PPARGC1A: variants seen among roughly 807,000 people sequenced by gnomAD.
PPARGC1A encodes PPARG coactivator 1 alpha, also known as peroxisome proliferator-activated receptor gamma coactivator 1-alpha.
Under a neutral mutation model 88.7 loss-of-function variants are expected in PPARGC1A, and 25 were observed. The observed-to-expected ratio is 0.28, with a 90% CI of 0.21 to 0.39. The LOEUF is 0.39. Among genes scored for constraint, PPARGC1A ranks in the 10% least tolerant of loss-of-function variants. The pLI is 1.00. For synonymous variants in PPARGC1A, 363 were observed against 355.6 expected, an observed-to-expected ratio of 1.02 and a Z score of -0.24; for missense variants, 880 against 968.7, an observed-to-expected ratio of 0.91 and a Z score of 1.22.
chr4:24,429,380 C>A, the PPARGC1A span, among the ~76,000 whole-genome samples: 1 of 152,130 alleles, frequency 6.6e-6, no homozygotes, highest in African/African-American at 2.4e-5. Context: ...TGGTCTCCTG[C>A]GTCACCCCCT....
At chr4:23,960,135 A>C in the PPARGC1A span, among the ~76,000 whole-genome samples, 1 of 152,320 alleles carries the variant, frequency 6.6e-6, no homozygotes, top group South Asian at 2.1e-4. Flanking sequence ...TAAGGTGGCC[A>C]GATAGATTCA....
At chr4:24,145,649 C>A in the PPARGC1A span, among the ~76,000 whole-genome samples, 1 of 152,186 alleles carries the variant, frequency 6.6e-6, no homozygotes, top group Non-Finnish European at 1.5e-5. Context: ...TCACCTCATT[C>A]TTCTAGGTTG....
At chr4:24,215,972 A>G in the PPARGC1A span, among the ~76,000 whole-genome samples, 3 of 152,082 alleles carry the variant, frequency 2.0e-5, no homozygotes, top group African/African-American at 7.2e-5. Flanking sequence ...GGTGGATAGA[A>G]TGACTCATTT....
intron 7 of PPARGC1A, 57 bp from the exon 8 acceptor site, chr4:23,814,662 T>C: frequency 7.4e-7 from 1 of 1,350,766 alleles, no homozygotes; most frequent in Non-Finnish European, 9.9e-7. Flanking sequence ...GAGACAGAGA[T>C]AATGTTCTTA....
intron 1 of PPARGC1A, among the ~76,000 whole-genome samples, chr4:23,888,384 T>C (rs927272169): frequency 7.9e-5 from 12 of 152,220 alleles, no homozygotes; most frequent in African/African-American, 2.7e-4. Context: ...CCATATGATC[T>C]AGTTCCTCAA....
At chr4:24,015,057 T>C in the PPARGC1A span, among the ~76,000 whole-genome samples, 8 of 151,758 alleles carry the variant, frequency 5.3e-5, no homozygotes, top group African/African-American at 1.9e-4. Flanking sequence ...CAAGGAAAAA[T>C]GGGTGGAGAA....
chr4:24,352,873 G>A, the PPARGC1A span, among the ~76,000 whole-genome samples: 3 of 152,202 alleles, frequency 2.0e-5, no homozygotes, highest in Non-Finnish European at 4.4e-5. Flanking sequence ...ACTTAATGCT[G>A]TAGAGGGAGT....
At chr4:24,298,784 G>A in the PPARGC1A span, among the ~76,000 whole-genome samples, 1 of 152,228 alleles carries the variant, frequency 6.6e-6, no homozygotes, top group Non-Finnish European at 1.5e-5. Flanking sequence ...AGAAACAGAT[G>A]TCTAAGAAGC....
intron 2 of PPARGC1A, among the ~76,000 whole-genome samples, chr4:23,838,465 G>A (rs10938964): frequency 0.66 from 99,828 of 152,002 alleles, 32,941 homozygotes; most frequent in Admixed American, 0.72. Flanking sequence ...TATGGGCACT[G>A]GACGGTGGGG....
the PPARGC1A span, among the ~76,000 whole-genome samples, chr4:24,229,975 C>T: frequency 2.0e-5 from 3 of 152,060 alleles, no homozygotes; most frequent in African/African-American, 7.2e-5. Context: ...GAAATGCAGA[C>T]CAAAATCCCA....
chr4:24,393,540 T>G, the PPARGC1A span, among the ~76,000 whole-genome samples: 7 of 152,346 alleles, frequency 4.6e-5, no homozygotes, highest in East Asian at 1.3e-3. Flanking sequence ...TGATTAACTC[T>G]CACTAGAGGG....
intron 10 of PPARGC1A, among the ~76,000 whole-genome samples, chr4:23,812,445 C>A (rs1489004782): frequency 6.6e-6 from 1 of 151,864 alleles, no homozygotes; most frequent in Non-Finnish European, 1.5e-5. Flanking sequence ...TCAGAAAGAA[C>A]AAATATCTGA....
chr4:24,456,118 CAAAT>C, the PPARGC1A span, among the ~76,000 whole-genome samples: 1 of 152,126 alleles, frequency 6.6e-6, no homozygotes, highest in African/African-American at 2.4e-5. Flanking sequence ...AAAAAAGAGA[CAAAT>C]AACCCCTAAA....
At chr4:23,820,645 AAG>A in intron 7 of PPARGC1A, 1 of 441,010 alleles carries the variant, frequency 2.3e-6, no homozygotes, top group Non-Finnish European at 4.6e-6. Context: ...ACACCTGTAA[AAG>A]AGAAGAGTTT....
chr4:24,308,539 T>G, the PPARGC1A span, among the ~76,000 whole-genome samples: 1 of 152,084 alleles, frequency 6.6e-6, no homozygotes, highest in African/African-American at 2.4e-5. Context: ...CTAGAGTTCA[T>G]CTCAGAAATA....
At chr4:23,801,359 C>T (rs1415830051) in intron 12 of PPARGC1A, among the ~76,000 whole-genome samples, 2 of 151,932 alleles carry the variant, frequency 1.3e-5, no homozygotes, top group Non-Finnish European at 2.9e-5. Context: ...ACAACACACA[C>T]AGACACACAC....
At chr4:23,883,708 G>C (rs1273950754) in intron 2 of PPARGC1A, 1 of 152,096 alleles carries the variant, frequency 6.6e-6, no homozygotes, top group Non-Finnish European at 1.5e-5. Context: ...TACTATTATT[G>C]TTATCAACAT....
At chr4:24,323,861 C>T in the PPARGC1A span, among the ~76,000 whole-genome samples, 2 of 152,340 alleles carry the variant, frequency 1.3e-5, no homozygotes, top group Non-Finnish European at 2.9e-5. Context: ...AATTTCAAAT[C>T]CGGTAAGCGG....
intron 2 of PPARGC1A, among the ~76,000 whole-genome samples, chr4:23,840,230 C>A (rs1726822772): frequency 6.6e-6 from 1 of 151,956 alleles, no homozygotes; most frequent in African/African-American, 2.4e-5. Flanking sequence ...AGAGGGAGAG[C>A]GGATAGTGCA....
Sources: allele counts gnomAD v4.1 joint callset (sites outside exome capture counted in the v4.1 genomes callset), GRCh38; gene constraint gnomAD v4.1.1; transcripts MANE v1.5; gene names NCBI Gene and HGNC (gene_info 2026-07-23, HGNC 2026-07-21).